The following TGFA variants were observed in gnomAD, a reference collection of about 807,000 sequenced individuals.
The protein encoded by TGFA is transforming growth factor alpha.
TGFA carries 12 observed loss-of-function variants against 21.7 expected under a neutral mutation model. The ratio of observed to expected loss-of-function variants is 0.55; its 90% CI spans 0.35 to 0.90. The LOEUF (loss-of-function observed/expected upper bound fraction) is 0.90, where lower values mean the gene tolerates loss of function less well. Ranked by LOEUF, TGFA falls within the 40% of genes least tolerant of loss-of-function variation. The pLI is 0.01. For synonymous variants in TGFA, 79 were observed against 88.1 expected (o/e 0.90, Z 0.58); for missense variants, 178 against 210.8 (o/e 0.84, Z 0.96).
At chr2:70,486,144 G>A (rs1172908594) in intron 2 of TGFA, among the ~76,000 whole-genome samples, 2 of 152,150 alleles carry the variant, frequency 1.3e-5, no homozygotes, top group Non-Finnish European at 2.9e-5. Context: ...ACCCACTTGT[G>A]ACACTCTTCT....
chr2:70,473,832 C>A (rs986314902), intron 2 of TGFA, among the ~76,000 whole-genome samples: 5 of 151,974 alleles, frequency 3.3e-5, no homozygotes, highest in South Asian at 4.2e-4. Flanking sequence ...AGGGAAGGGG[C>A]CTTCGTTGTA....
At chr2:70,508,029 A>G (rs1286247334) in intron 2 of TGFA, among the ~76,000 whole-genome samples, 1 of 152,220 alleles carries the variant, frequency 6.6e-6, no homozygotes, top group Non-Finnish European at 1.5e-5. Context: ...TAACTTAATT[A>G]CATATTATGT....
chr2:70,449,715 G>A lies in TGFA; in HGVS notation c.*1144C>T. The A allele has an allele frequency of 5.8e-6, 1 of 171,294 alleles. No homozygotes were observed. Among genetic ancestry groups the A allele is most frequent in the Non-Finnish European group, 1.3e-5 (1 of 76,462 alleles). 10.6% of individuals were successfully genotyped at this position (171,294 alleles called of 1,614,324 possible). ...TTAAACTTCTCCTTTTAAAAATAAA[G>A]CAACAAACCAACCAAGCAACAAAAT... On this transcript the variant is annotated 3_prime_UTR_variant, in exon 6 of 6. Transcript: ENST00000295400.
At chr2:70,511,944 G>C (rs1019261086) in intron 2 of TGFA, among the ~76,000 whole-genome samples, 1 of 149,800 alleles carries the variant, frequency 6.7e-6, no homozygotes, top group Non-Finnish European at 1.5e-5. Context: ...CTACAATGAC[G>C]GGCAGTGAGT....
chr2:70,527,502 A>G (rs1218779607), intron 1 of TGFA, among the ~76,000 whole-genome samples: 7 of 152,240 alleles, frequency 4.6e-5, no homozygotes, highest in African/African-American at 1.7e-4. Flanking sequence ...ATGACTCTGT[A>G]CAATACTATA....
At chr2:70,518,404 C>T (rs782760483) in intron 1 of TGFA, among the ~76,000 whole-genome samples, 4 of 152,138 alleles carry the variant, frequency 2.6e-5, no homozygotes, top group African/African-American at 4.8e-5. Context: ...ACCTGGTCTG[C>T]CCTTAGGAAG....
At position 70,449,824 on chromosome 2, in the gene TGFA, C is replaced by T. The variant is rs1281671943; in HGVS notation, c.*1035G>A. ...GGCTAATGTTCTATTTCTAAACATA[C>T]TTACCGAGGGCTCACGAGGAAGTGA... On this transcript the variant is annotated 3_prime_UTR_variant, in exon 6 of 6. Transcript: ENST00000295400. The T allele has an allele frequency of 1.1e-5, 2 of 181,096 alleles. No homozygotes were observed. Among genetic ancestry groups the T allele is most frequent in the South Asian group, 1.1e-4 (1 of 9,012 alleles). 11.2% of individuals were successfully genotyped at this position (181,096 alleles called of 1,614,324 possible). A position where few individuals can be genotyped will look rare whatever the true frequency, so the allele number is the denominator to read the frequency against.
intron 1 of TGFA, among the ~76,000 whole-genome samples, chr2:70,520,176 T>G (rs1553502073): frequency 6.6e-6 from 1 of 152,148 alleles, no homozygotes; most frequent in African/African-American, 2.4e-5. Flanking sequence ...GAGGAGGTGG[T>G]CATGACCCTC....
intron 2 of TGFA, among the ~76,000 whole-genome samples, chr2:70,483,320 T>C (rs1671177288): frequency 6.6e-6 from 1 of 152,260 alleles, no homozygotes; most frequent in South Asian, 2.1e-4. Flanking sequence ...CAGGCATTTT[T>C]ACATCATTAA....
chr2:70,522,914 C>T (rs180817814), intron 1 of TGFA, among the ~76,000 whole-genome samples: 23 of 152,314 alleles, frequency 1.5e-4, no homozygotes, highest in African/African-American at 4.8e-4. Flanking sequence ...TGAAAAGTCC[C>T]TTCCTATGAG....
intron 1 of TGFA, among the ~76,000 whole-genome samples, chr2:70,530,723 G>A (rs924092556): frequency 6.6e-6 from 1 of 152,200 alleles, no homozygotes; most frequent in Non-Finnish European, 1.5e-5. Flanking sequence ...CTCACACAGT[G>A]TCTCATCTAG....
intron 2 of TGFA, among the ~76,000 whole-genome samples, chr2:70,478,982 TTCC>T (rs1444059545): frequency 2.0e-5 from 3 of 152,220 alleles, no homozygotes; most frequent in African/African-American, 4.8e-5. Flanking sequence ...GCATGCTTAC[TTCC>T]TCCTTCTTTT....
At chr2:70,524,005 A>C (rs933493626) in intron 1 of TGFA, among the ~76,000 whole-genome samples, 6 of 152,218 alleles carry the variant, frequency 3.9e-5, no homozygotes, top group Non-Finnish European at 7.3e-5. Context: ...AAAGGCACAG[A>C]GACCCTTGGA....
At chr2:70,460,231 T>C (rs1456825466) in intron 3 of TGFA, among the ~76,000 whole-genome samples, 1 of 151,978 alleles carries the variant, frequency 6.6e-6, no homozygotes, top group Non-Finnish European at 1.5e-5. Context: ...TCTCTGGGAG[T>C]CAGTCCTGGG....
At chr2:70,504,433 A>AATATATATATATATATATATATATAT (rs200901290) in intron 2 of TGFA, among the ~76,000 whole-genome samples, 12 of 62,440 alleles carry the variant, frequency 1.9e-4, no homozygotes, top group East Asian at 5.1e-4. Context: ...AAACAAAACA[A>AATATATATATATATATATATATATAT]ATATATATAT....
intron 3 of TGFA, among the ~76,000 whole-genome samples, chr2:70,460,554 G>C (rs1670377181): frequency 6.6e-6 from 1 of 152,120 alleles, no homozygotes; most frequent in South Asian, 2.1e-4. Flanking sequence ...TTCTCACCTG[G>C]CTGCACATTC....
intron 2 of TGFA, among the ~76,000 whole-genome samples, chr2:70,514,090 C>T (rs1553501276): frequency 6.6e-6 from 1 of 152,196 alleles, no homozygotes; most frequent in East Asian, 1.9e-4. Context: ...CCGTAAATAT[C>T]CAATGGGAAA....
At chr2:70,550,864 A>C (rs1673480356) in intron 1 of TGFA, among the ~76,000 whole-genome samples, 1 of 152,150 alleles carries the variant, frequency 6.6e-6, no homozygotes, top group South Asian at 2.1e-4. Context: ...AAAACAAAAA[A>C]ACCCTCCAGA....
At chr2:70,548,755 TACTCAGTAC>T (rs1316104452) in intron 1 of TGFA, among the ~76,000 whole-genome samples, 2 of 152,238 alleles carry the variant, frequency 1.3e-5, no homozygotes, top group African/African-American at 4.8e-5. Context: ...TCTTAAGTCA[TACTCAGTAC>T]AACAAACGTG....
Sources: allele counts gnomAD v4.1 joint callset (sites outside exome capture counted in the v4.1 genomes callset), GRCh38; gene constraint gnomAD v4.1.1; transcripts MANE v1.5; gene names NCBI Gene and HGNC (gene_info 2026-07-23, HGNC 2026-07-21).